Variants in COL3A1 observed in about 807,000 individuals in gnomAD.
COL3A1 encodes the protein collagen alpha-1(III) chain.
A neutral mutation model predicts 200.9 loss-of-function variants in COL3A1; 46 were observed. The observed-to-expected ratio is 0.23, with a 90% CI of 0.18 to 0.29. The LOEUF (loss-of-function observed/expected upper bound fraction) is 0.29, where lower values mean the gene tolerates loss of function less well. Among genes scored for constraint, COL3A1 ranks in the 10% least tolerant of loss-of-function variants. The probability of loss-of-function intolerance (pLI) is 1.00; values close to 1 mark genes in which losing one functional copy is unlikely to be tolerated. For missense variants in COL3A1, 1,367 were observed against 1,917.6 expected, an observed-to-expected ratio of 0.71 and a Z score of 5.36; for synonymous variants, 650 against 628.0, an observed-to-expected ratio of 1.03 and a Z score of -0.52.
rs1688273707 is a variant in COL3A1, at chr2:188,995,031, T to G, written c.1456-15T>G. On this transcript the variant is annotated splice_polypyrimidine_tract_variant and intron_variant, in intron 20 of 50. Coordinates refer to ENST00000304636, the MANE Select transcript of COL3A1 (RefSeq NM_000090.4). ...AATCCTTTGGACTGAAATACTTGTC[T>G]TTCATTATTTTCAGGGTGCCCCTGG... 6.8e-6 allele frequency: 11 copies of G among 1,614,010 alleles called. No individual in the cohort carries two copies. Among genetic ancestry groups the G allele is most frequent in the Non-Finnish European group, 9.3e-6 (11 of 1,179,860 alleles).
chr2:188,976,378 G>A (rs1241131759), intron 1 of COL3A1, among the ~76,000 whole-genome samples: 6 of 152,018 alleles, frequency 3.9e-5, no homozygotes, highest in Non-Finnish European at 8.8e-5. Context: ...TAATCAATAA[G>A]TATAAAATTT....
chr2:189,004,428 C>T, intron 40 of COL3A1, 64 bp downstream of exon 40: 1 of 1,441,644 alleles, frequency 6.9e-7, no homozygotes, highest in African/African-American at 1.4e-5. Context: ...ATCACTTAAC[C>T]ATATCAAGGA....
At position 189,006,112 on chromosome 2, in the gene COL3A1, C is replaced by T. The variant is rs559971858; in HGVS notation, c.3040-94C>T. 3 of 1,347,628 alleles carry T rather than the reference C, an allele frequency of 2.2e-6. No homozygotes were observed. The East Asian group carries it at 7.2e-5, about 32-fold the overall frequency. 83.5% of individuals were successfully genotyped at this position (1,347,628 alleles called of 1,614,324 possible). ...ACCCCCAAGAACCAATTTTAACCCC[C>T]TTGAGAATTATATTGCCCTGCTGAG... On this transcript the variant is annotated intron_variant, in intron 41 of 50. Coordinates refer to ENST00000304636, the MANE Select transcript of COL3A1 (RefSeq NM_000090.4).
intron 3 of COL3A1, 147 bp from the exon 4 acceptor site, chr2:188,985,518 A>G: frequency 3.0e-6 from 2 of 667,716 alleles, no homozygotes; most frequent in Non-Finnish European, 5.1e-6. Context: ...ATTATTCACA[A>G]GATTTTGATT....
intron 31 of COL3A1, 67 bp downstream of exon 31, chr2:188,999,644 T>G (rs1576468433): frequency 1.3e-6 from 2 of 1,515,374 alleles, no homozygotes; most frequent in African/African-American, 1.4e-5. Context: ...AAAGCAACAC[T>G]CCTGGAAAGT....
chr2:188,991,607 C>A lies in COL3A1; in HGVS notation c.898-62C>A, dbSNP rs977054245. The A allele has an allele frequency of 6.2e-6, 10 of 1,608,242 alleles. No homozygotes were observed. In the Admixed American group the frequency reaches 1.7e-4, roughly 27 times the overall value. The stretch of plus-strand genomic sequence containing the variant: ...TTACCTAAAACTGGCTTTGCTCCCA[C>A]CCCAACTGTTCTTACACATGTCAAG... On this transcript the variant is annotated intron_variant, in intron 12 of 50. Coordinates refer to ENST00000304636, the MANE Select transcript of COL3A1 (RefSeq NM_000090.4).
chr2:188,999,726 A>G, intron 31 of COL3A1, 116 bp from the exon 32 acceptor site: 3 of 1,363,484 alleles, frequency 2.2e-6, no homozygotes, highest in Non-Finnish European at 3.1e-6. Context: ...TCCTAAAGCA[A>G]CAATGAATTA....
Position 188,978,058 on chromosome 2 carries a change from G to A in COL3A1, c.79+3490G>A, listed in dbSNP as rs150296908. ...AAAGAAAAATGCTCAGGTAATAACA[G>A]AGCCTTGAAAAATTTGGATTTTCAA... is the stretch of plus-strand genomic sequence containing the variant. On this transcript the variant is annotated intron_variant, in intron 1 of 50. Coordinates refer to ENST00000304636, the MANE Select transcript of COL3A1 (RefSeq NM_000090.4). 921 of 409,254 alleles carry A rather than the reference G, an allele frequency of 2.3e-3. 8 individuals carry two copies. The highest frequency in any genetic ancestry group is 0.02 in the African/African-American group (861 of 43,520). The allele number at this position is 409,254 out of a possible 1,614,324, so 25.4% of individuals were successfully genotyped here.
At position 189,005,438 on chromosome 2, in the gene COL3A1, C is replaced by T; in HGVS notation, c.3020C>T (p.Ala1007Val). The T allele has an allele frequency of 6.2e-7, 1 of 1,613,930 alleles. No homozygotes were observed. The highest frequency in any genetic ancestry group is 1.1e-5 in the South Asian group (1 of 91,070). The change falls in exon 41 of 51, where the codon GCT becomes GTT. Residue 1007 changes from alanine (A) to valine (V), a missense_variant. Coordinates refer to ENST00000304636, the MANE Select transcript of COL3A1 (RefSeq NM_000090.4). ...GGTCTTCCTGGTCTGGCTGGTACAG[C>T]TGGTGAACCTGGAAGAGATGTGAGT... ...PQGLPGLAGT[A>V]GEPGRDGNPG... is the part of the protein sequence containing the mutation.
chr2:189,004,471 C>T (rs1242540789), intron 40 of COL3A1, 107 bp downstream of exon 40: 8 of 998,920 alleles, frequency 8.0e-6, no homozygotes, highest in African/African-American at 1.7e-5. Context: ...AGTAAATTAG[C>T]CAGGAGATAA....
chr2:189,003,880 TC>T, intron 38 of COL3A1, 93 bp downstream of exon 38: 9 of 1,577,524 alleles, frequency 5.7e-6, no homozygotes, highest in Non-Finnish European at 7.8e-6. Flanking sequence ...GCTACTTATT[TC>T]TCTAGTAAGT....
At chr2:189,005,509 C>G in intron 41 of COL3A1, 52 bp downstream of exon 41, 1 of 1,483,466 alleles carries the variant, frequency 6.7e-7, no homozygotes, top group Non-Finnish European at 9.4e-7. Flanking sequence ...TAATTTATTT[C>G]AGCAAAGGTG....
At chr2:189,003,500 A>AT in intron 37 of COL3A1, 36 bp downstream of exon 37, 1 of 1,584,094 alleles carries the variant, frequency 6.3e-7, no homozygotes, top group Non-Finnish European at 8.7e-7. Flanking sequence ...ATTGAAAAGC[A>AT]TTAATTGATA....
At position 188,990,114 on chromosome 2, in the gene COL3A1, G is replaced by A. The variant is rs587779625; in HGVS notation, c.709G>A (p.Gly237Arg). The A allele has an allele frequency of 2.5e-6, 4 of 1,613,584 alleles. No homozygotes were observed. Among genetic ancestry groups the A allele is most frequent in the Non-Finnish European group, 2.5e-6 (3 of 1,179,716 alleles). The change falls in exon 9 of 51, where the codon GGA becomes AGA. Residue 237 changes from glycine (G) to arginine (R), a missense_variant. Physicochemically the swap from Gly to Arg is moderately radical, Grantham distance 125. This residue lies in a region of COL3A1 where 462 missense variants were observed against 681.4 expected (regional missense o/e 0.68). Transcript: ENST00000304636. Reference sequence around the variant, plus strand: ...TACCTAGGGAGAATCAGGTAGACCCGGACGACCTGGAGAGCGAGGATTGCC... The same window carrying A: ...TACCTAGGGAGAATCAGGTAGACCCAGACGACCTGGAGAGCGAGGATTGCC... ...AGKDGESGRP[G>R]RPGERGLPGP...
At chr2:188,996,551 T>C in intron 24 of COL3A1, 55 bp downstream of exon 24, 2 of 1,438,032 alleles carry the variant, frequency 1.4e-6, no homozygotes, top group Non-Finnish European at 9.7e-7. Context: ...GCTTTTATTT[T>C]CCATATGGAG....
chr2:188,991,625 A>T (rs745428767), intron 12 of COL3A1, 44 bp from the exon 13 acceptor site: 1 of 1,611,784 alleles, frequency 6.2e-7, no homozygotes, highest in East Asian at 2.2e-5. Flanking sequence ...GTTCTTACAC[A>T]TGTCAAGATT....
chr2:189,004,457 C>G (rs1688544587), intron 40 of COL3A1, 93 bp downstream of exon 40: 2 of 1,183,046 alleles, frequency 1.7e-6, no homozygotes, highest in East Asian at 5.1e-5. Context: ...TTTTCTGTCA[C>G]TGGAGTAAAT....
rs1344022223 is a variant in COL3A1 at position 189,011,805 on chromosome 2, A to G, written c.*31A>G. ...ACTCTATCTGAAATCCCAACAAAAAAAATTTAACTCCATATGTGTTCCTCT... is the reference window on the plus strand; with the variant it reads ...ACTCTATCTGAAATCCCAACAAAAAGAATTTAACTCCATATGTGTTCCTCT... On this transcript the variant is annotated 3_prime_UTR_variant, in exon 51 of 51. Transcript: ENST00000304636. The G allele has an allele frequency of 1.9e-6, 3 of 1,613,134 alleles. No homozygotes were observed. In the African/African-American group the frequency reaches 4.0e-5, roughly 22 times the overall value.
rs895860172 is a variant in COL3A1 at position 188,995,105 on chromosome 2, T to C, written c.1509+6T>C. 6 of 1,613,758 alleles carry C rather than the reference T, an allele frequency of 3.7e-6. No individual in the cohort carries two copies. Among genetic ancestry groups the C allele is most frequent in the Non-Finnish European group, 5.1e-6 (6 of 1,179,770 alleles). ...ATGGCATCCCAGGAGAAAAGGTAGA[T>C]AACTTTAGTTTCTATGTTCCTAAAT... On this transcript the variant is annotated splice_donor_region_variant and intron_variant, in intron 21 of 50. Coordinates refer to ENST00000304636, the MANE Select transcript of COL3A1 (RefSeq NM_000090.4).
Sources: gnomAD v4.1 joint callset for allele counts (sites outside exome capture counted in the v4.1 genomes callset) on GRCh38, gnomAD v4.1.1 for gene constraint, gnomAD v4.1.1 regional missense constraint, MANE v1.5 for transcripts, NCBI Gene and HGNC (gene_info 2026-07-23, HGNC 2026-07-21) for gene names.